MS4A1: variants seen among roughly 807,000 people sequenced by gnomAD.
MS4A1 encodes B-lymphocyte antigen CD20.
In MS4A1, 16 loss-of-function variants were observed where a neutral mutation model predicts 26.5. That is an observed-to-expected ratio of 0.60 (90% CI 0.41 to 0.92). MS4A1 has a LOEUF of 0.92. MS4A1 is among the 40% of genes least tolerant of loss of function. MS4A1 has a pLI of 0.00. For synonymous variants in MS4A1, 128 were observed against 117.6 expected, an observed-to-expected ratio of 1.09 and a Z score of -0.57; for missense variants, 350 against 353.0, an observed-to-expected ratio of 0.99 and a Z score of 0.07.
rs180824575 is a variant in MS4A1, at chr11:60,462,614, T to C, written c.159+81T>C. 1,174 of 1,569,556 alleles carry C rather than the reference T, an allele frequency of 7.5e-4. 19 individuals are homozygous for C. The East Asian group carries it at 0.022, about 29-fold the overall frequency. ...GATGCGGTATAGGCCACATACAGAATTCAATCCAATTTGAAGAATTGGGAT... is the reference window on the plus strand; with the variant it reads ...GATGCGGTATAGGCCACATACAGAACTCAATCCAATTTGAAGAATTGGGAT... On this transcript the variant is annotated intron_variant, in intron 3 of 7. Transcript: ENST00000345732.
rs199791821 is a variant in MS4A1, at chr11:60,468,258, T to C, written c.684T>C (p.Val228=). The change falls in exon 8 of 8, where the codon GTT becomes GTC. Residue 228 remains valine (V), a synonymous_variant. Coordinates refer to ENST00000345732, the MANE Select transcript of MS4A1 (RefSeq NM_152866.3). The part of the protein sequence containing the change: ...RTCSRPKSNI[V]LLSAEEKKEQ... ...TTAATTTTCTGTTTTAGAACATAGT[T>C]CTCCTGTCAGCAGAAGAAAAAAAAG... 1.3e-5 allele frequency: 21 copies of C among 1,611,432 alleles called. No individual in the cohort carries two copies. In the South Asian group the frequency reaches 1.9e-4, roughly 14 times the overall value.
chr11:60,464,019 T>C, intron 4 of MS4A1: 1 of 533,886 alleles, frequency 1.9e-6, no homozygotes, highest in African/African-American at 1.9e-5. Context: ...GAGTTCTGTC[T>C]CTTTGGTCTT....
At position 60,455,909 on chromosome 11, in the gene MS4A1, A is replaced by T. The variant is rs2135189336; in HGVS notation, c.-316A>T. On this transcript the variant is annotated 5_prime_UTR_variant, in exon 1 of 8. Transcript: ENST00000345732. ...CCACTGAACTCCGCAGCTAGCATCCAAATCAGCCCTTGAGATTTGAGGCCT... is the reference window on the plus strand; with the variant it reads ...CCACTGAACTCCGCAGCTAGCATCCTAATCAGCCCTTGAGATTTGAGGCCT... 1 of 152,392 alleles carries T rather than the reference A, an allele frequency of 6.6e-6. No homozygotes were observed. Among genetic ancestry groups the T allele is most frequent in the Admixed American group, 6.5e-5 (1 of 15,300 alleles). The allele number at this position is 152,392 out of a possible 1,614,324, so 9.4% of individuals were successfully genotyped here.
At chr11:60,459,364 A>G (rs898636810) in intron 1 of MS4A1, among the ~76,000 whole-genome samples, 3 of 152,214 alleles carry the variant, frequency 2.0e-5, no homozygotes, top group African/African-American at 7.2e-5. Context: ...CATATACAAT[A>G]TCTCTAGTAT....
intron 5 of MS4A1, 198 bp from the exon 6 acceptor site, chr11:60,465,723 G>A (rs2086285347): frequency 1.7e-6 from 1 of 585,936 alleles, no homozygotes; most frequent in Non-Finnish European, 3.1e-6. Context: ...ATGAGATAGG[G>A]AAGACTGAGA....
In MS4A1 at chr11:60,463,114, G is replaced by A. The variant is rs1455972212; in HGVS notation, c.272G>A (p.Gly91Asp). 1 of 1,614,034 alleles carries A rather than the reference G, an allele frequency of 6.2e-7. No individual in the cohort carries two copies. The highest frequency in any genetic ancestry group is 2.2e-5 in the East Asian group (1 of 44,894). ...ACTGTGTGGTACCCTCTCTGGGGAG[G>A]CATTATGGTGAGTAAAAGAATAGCA... The part of the protein sequence containing the change: ...CVTVWYPLWG[G>D]IMYIISGSLL... Residue 91 changes from glycine to aspartate, a missense_variant, in exon 4 of 8, where the codon GGC becomes GAC. Gly to Asp is a moderately conservative substitution (Grantham distance 94). Transcript: ENST00000345732.
Position 60,462,372 on chromosome 11 carries a change from A to C in MS4A1, c.-3A>C. ...TTTTATTTTTAGGAGTTTTGAGAGCAAAATGACAACACCCAGAAATTCAGT... is the reference window on the plus strand; with the variant it reads ...TTTTATTTTTAGGAGTTTTGAGAGCCAAATGACAACACCCAGAAATTCAGT... On this transcript the variant is annotated 5_prime_UTR_variant, in exon 3 of 8. Transcript: ENST00000345732. 1 of 1,614,254 alleles carries C rather than the reference A, an allele frequency of 6.2e-7. No homozygotes were observed. Among genetic ancestry groups the C allele is most frequent in the Non-Finnish European group, 8.5e-7 (1 of 1,180,044 alleles).
At chr11:60,465,704 G>A (rs2086285130) in intron 5 of MS4A1, 2 of 556,696 alleles carry the variant, frequency 3.6e-6, no homozygotes, top group East Asian at 3.1e-5. Context: ...TAAAACAGAT[G>A]GATGGTGAAT....
intron 2 of MS4A1, 86 bp from the exon 3 acceptor site, chr11:60,462,099 G>A: frequency 5.7e-6 from 3 of 530,066 alleles, no homozygotes; most frequent in South Asian, 5.5e-5. Context: ...GATAAAGAAT[G>A]CCCCAAACCC....
At chr11:60,464,974 A>G (rs1247140776) in intron 5 of MS4A1, among the ~76,000 whole-genome samples, 1 of 152,196 alleles carries the variant, frequency 6.6e-6, no homozygotes, top group Non-Finnish European at 1.5e-5. Context: ...TTCGCTCCCA[A>G]AAAATTCCTC....
rs200774035 is a variant in MS4A1, at chr11:60,469,415, T to A, written c.*947T>A. ...ATAACTAGTAATTATGAGAGCCTTG[T>A]TTCATAACCAGGTCTTCTTACTCAA... On this transcript the variant is annotated 3_prime_UTR_variant, in exon 8 of 8. Transcript: ENST00000345732. The A allele has an allele frequency of 1.8e-4, 28 of 152,258 alleles. No individual in the cohort carries two copies. The highest frequency in any genetic ancestry group is 6.5e-4 in the African/African-American group (27 of 41,548). 9.4% of individuals were successfully genotyped at this position (152,258 alleles called of 1,614,324 possible). A position where few individuals can be genotyped will look rare whatever the true frequency, so the allele number is the denominator to read the frequency against.
chr11:60,462,260 A>G lies in MS4A1; in HGVS notation c.-115A>G. 4 of 1,132,294 alleles carry G rather than the reference A, an allele frequency of 3.5e-6. No homozygotes were observed. The highest frequency in any genetic ancestry group is 5.3e-6 in the Non-Finnish European group (4 of 756,050). 70.1% of individuals were successfully genotyped at this position (1,132,294 alleles called of 1,614,324 possible). ...TGTCTACCCTCAATGACACTCATGG[A>G]GGAAATGCTGAGAGAAGCATTCAGA... On this transcript the variant is annotated 5_prime_UTR_variant, in exon 3 of 8. Coordinates refer to ENST00000345732, the MANE Select transcript of MS4A1 (RefSeq NM_152866.3).
intron 1 of MS4A1, among the ~76,000 whole-genome samples, chr11:60,458,680 C>T (rs1439033705): frequency 6.6e-6 from 1 of 152,090 alleles, no homozygotes; most frequent in African/African-American, 2.4e-5. Context: ...GGCAAAATTG[C>T]GAGAATCTCC....
At position 60,460,903 on chromosome 11, in the gene MS4A1, G is replaced by A. The variant is rs568292496; in HGVS notation, c.-279-169G>A. Reference sequence around the variant, plus strand: ...TTTATGTCTTACATCTCAGAGAGGGGTACTGTTCTAACTTTACAGAAGGAT... The same window carrying A: ...TTTATGTCTTACATCTCAGAGAGGGATACTGTTCTAACTTTACAGAAGGAT... On this transcript the variant is annotated intron_variant, in intron 1 of 7. Transcript: ENST00000345732. Among the ~76,000 whole-genome samples, 59 of 151,934 alleles carry A rather than the reference G, an allele frequency of 3.9e-4. 1 individual carries two copies. The highest frequency in any genetic ancestry group is 4.4e-4 in the Non-Finnish European group (30 of 68,028).
chr11:60,468,683 C>A lies in MS4A1; in HGVS notation c.*215C>A. On this transcript the variant is annotated 3_prime_UTR_variant, in exon 8 of 8. Transcript: ENST00000345732. The stretch of plus-strand genomic sequence containing the variant: ...GTGTTGTCACGCTTCTTCTTTTGAG[C>A]AACTTTCTTACACTGAAGAAAGGCA... 1.7e-6 allele frequency: 1 copy of A among 581,974 alleles called. No individual in the cohort carries two copies. Among genetic ancestry groups the A allele is most frequent in the Non-Finnish European group, 3.0e-6 (1 of 328,674 alleles). The allele number at this position is 581,974 out of a possible 1,614,324, so 36.1% of individuals were successfully genotyped here. A position where few individuals can be genotyped will look rare whatever the true frequency, so the allele number is the denominator to read the frequency against.
In MS4A1 at chr11:60,462,253, C is replaced by T. The variant is rs767833476; in HGVS notation, c.-122C>T. On this transcript the variant is annotated 5_prime_UTR_variant, in exon 3 of 8. Coordinates refer to ENST00000345732, the MANE Select transcript of MS4A1 (RefSeq NM_152866.3). The stretch of plus-strand genomic sequence containing the variant: ...GAGGCCATGTCTACCCTCAATGACA[C>T]TCATGGAGGAAATGCTGAGAGAAGC... 3 of 1,049,436 alleles carry T rather than the reference C, an allele frequency of 2.9e-6. No individual in the cohort carries two copies. The highest frequency in any genetic ancestry group is 3.1e-5 in the African/African-American group (2 of 63,840). 65.0% of individuals were successfully genotyped at this position (1,049,436 alleles called of 1,614,324 possible).
intron 4 of MS4A1, chr11:60,463,987 G>A (rs772427658): frequency 4.2e-6 from 2 of 473,942 alleles, no homozygotes; most frequent in Non-Finnish European, 7.7e-6. Context: ...TATGGTATGA[G>A]TATTAATTGA....
chr11:60,462,890 C>T (rs2086260273), intron 3 of MS4A1, 112 bp from the exon 4 acceptor site: 2 of 1,523,208 alleles, frequency 1.3e-6, no homozygotes, highest in African/African-American at 2.7e-5. Flanking sequence ...CCACTGCTTC[C>T]TTTAGGCATT....
At chr11:60,459,989 T>TA (rs1271209601) in intron 1 of MS4A1, among the ~76,000 whole-genome samples, 55 of 152,232 alleles carry the variant, frequency 3.6e-4, no homozygotes, top group African/African-American at 1.3e-3. Context: ...CTCACAGCTG[T>TA]TATCCTAGCA....
Sources: gnomAD v4.1 joint callset for allele counts (sites outside exome capture counted in the v4.1 genomes callset) on GRCh38, gnomAD v4.1.1 for gene constraint, MANE v1.5 for transcripts, NCBI Gene and HGNC (gene_info 2026-07-23, HGNC 2026-07-21) for gene names.